Variants in NRG3 observed in about 807,000 individuals in gnomAD.
The protein encoded by NRG3 is neuregulin 3.
Under a neutral mutation model 66.9 loss-of-function variants are expected in NRG3, and 31 were observed. That is an observed-to-expected ratio of 0.46 (90% CI 0.35 to 0.63). The LOEUF (loss-of-function observed/expected upper bound fraction) is 0.63, where lower values mean the gene tolerates loss of function less well. NRG3 is among the 20% of genes least tolerant of loss of function. NRG3 has a pLI of 0.00. For synonymous variants in NRG3, 393 were observed against 359.4 expected (o/e 1.09, Z -1.06); for missense variants, 910 against 878.9 (o/e 1.04, Z -0.45).
chr10:82,461,157 G>T (rs2091492494), intron 2 of NRG3, among the ~76,000 whole-genome samples: 1 of 150,968 alleles, frequency 6.6e-6, no homozygotes, highest in African/African-American at 2.4e-5. Flanking sequence ...ATTATGATCA[G>T]TATCACCACC....
At position 82,943,137 on chromosome 10, in the gene NRG3, C is replaced by T. The variant is rs117148610; in HGVS notation, c.1055-8332C>T. On this transcript the variant is annotated intron_variant, in intron 4 of 8. Transcript: ENST00000372141. Reference sequence around the variant, plus strand: ...GACTTAATGCTGCTTCAAGAGAAAACGGAAAAAGGAAAGAAACTGGCGTTT... The same window carrying T: ...GACTTAATGCTGCTTCAAGAGAAAATGGAAAAAGGAAAGAAACTGGCGTTT... Among the ~76,000 whole-genome samples the T allele has an allele frequency of 1.2e-3, 177 of 152,174 alleles. 3 individuals carry two copies. The East Asian group carries it at 0.023, about 20-fold the overall frequency.
intron 1 of NRG3, among the ~76,000 whole-genome samples, chr10:82,167,159 AT>A (rs977876884): frequency 1.3e-5 from 2 of 151,078 alleles, no homozygotes; most frequent in Non-Finnish European, 3.0e-5. Context: ...CATTGGTCTT[AT>A]TTTTCTGCTT....
intron 2 of NRG3, among the ~76,000 whole-genome samples, chr10:82,532,547 G>C (rs558831354): frequency 6.9e-6 from 1 of 145,096 alleles, no homozygotes; most frequent in Non-Finnish European, 1.5e-5. Flanking sequence ...TACTATATAT[G>C]TATATGTATA....
chr10:82,832,804 T>TTGTGTG (rs139438548), intron 3 of NRG3, among the ~76,000 whole-genome samples: 7,974 of 147,954 alleles, frequency 0.054, 268 homozygotes, highest in African/African-American at 0.098. Context: ...ATGCATGTAA[T>TTGTGTG]TGTGTGTGTG....
chr10:82,524,030 T>A (rs1846450353), intron 2 of NRG3, among the ~76,000 whole-genome samples: 1 of 152,084 alleles, frequency 6.6e-6, no homozygotes, highest in Non-Finnish European at 1.5e-5. Flanking sequence ...GCCTGAATTG[T>A]GAAGTGGATG....
intron 2 of NRG3, among the ~76,000 whole-genome samples, chr10:82,477,765 G>C (rs1051090239): frequency 1.3e-5 from 2 of 152,204 alleles, no homozygotes; most frequent in African/African-American, 2.4e-5. Flanking sequence ...AGGGAACATA[G>C]AGGAATAAGG....
chr10:82,651,178 T>C (rs2051383131), intron 2 of NRG3, among the ~76,000 whole-genome samples: 1 of 152,156 alleles, frequency 6.6e-6, no homozygotes. Context: ...TAGAAGAAGA[T>C]GACATGGACT....
At chr10:82,572,101 C>T (rs2045771143) in intron 2 of NRG3, among the ~76,000 whole-genome samples, 1 of 151,648 alleles carries the variant, frequency 6.6e-6, no homozygotes, top group East Asian at 1.9e-4. Context: ...CAAAAAATTT[C>T]TAAAGCTAAG....
chr10:82,196,011 CT>C (rs1222293402), intron 1 of NRG3, among the ~76,000 whole-genome samples: 1 of 152,180 alleles, frequency 6.6e-6, no homozygotes, highest in Non-Finnish European at 1.5e-5. Flanking sequence ...TGCAGGACTG[CT>C]TTTTTGTGTG....
intron 3 of NRG3, among the ~76,000 whole-genome samples, chr10:82,800,056 C>CT (rs2060972168): frequency 6.6e-6 from 1 of 152,110 alleles, no homozygotes; most frequent in Admixed American, 6.5e-5. Flanking sequence ...TCTTAAGGTT[C>CT]CTGCCTTTGG....
intron 2 of NRG3, among the ~76,000 whole-genome samples, chr10:82,651,581 C>T (rs567286185): frequency 1.3e-3 from 196 of 152,290 alleles, no homozygotes; most frequent in Admixed American, 2.8e-3. Context: ...TAGCCAGTGA[C>T]GAGTTTAGGC....
chr10:81,875,659 G>A lies in NRG3; in HGVS notation c.319G>A (p.Gly107Arg), dbSNP rs1449663403. 5 of 1,613,880 alleles carry A rather than the reference G, an allele frequency of 3.1e-6. No individual in the cohort carries two copies. The African/African-American group carries it at 6.7e-5, about 22-fold the overall frequency. Residue 107 changes from glycine (G) to arginine (R), a missense_variant, in exon 1 of 9, where the codon GGG becomes AGG. Gly to Arg is a moderately radical substitution (Grantham distance 125). Transcript: ENST00000372141. The surrounding 1 kb of genome is among the most constrained non-coding windows in gnomAD (Gnocchi z 5.3). The stretch of plus-strand genomic sequence containing the variant: ...GCCCACCGACCTAGTGGACTCCAAG[G>A]GGATGGGCCAGGACCCCTTCTTCCT... Reference protein sequence around the residue: ...YVPTDLVDSKGMGQDPFFLSK... With the variant: ...YVPTDLVDSKRMGQDPFFLSK...
chr10:82,765,179 G>C (rs1427511329), intron 3 of NRG3, among the ~76,000 whole-genome samples: 1 of 151,926 alleles, frequency 6.6e-6, no homozygotes, highest in African/African-American at 2.4e-5. Context: ...AAATAAAGAA[G>C]ACATTTTAAC....
chr10:82,078,554 G>A (rs1403993464), intron 1 of NRG3, among the ~76,000 whole-genome samples: 1 of 152,142 alleles, frequency 6.6e-6, no homozygotes, highest in Non-Finnish European at 1.5e-5. Context: ...GTTTCACCGT[G>A]TTAGCCAGGA....
intron 1 of NRG3, among the ~76,000 whole-genome samples, chr10:82,046,013 G>GT (rs905751103): frequency 2.1e-5 from 3 of 141,040 alleles, no homozygotes; most frequent in African/African-American, 8.0e-5. Context: ...ATGCCTCCAG[G>GT]TTTGTTCTTT....
intron 1 of NRG3, among the ~76,000 whole-genome samples, chr10:81,974,091 A>G (rs1044780133): frequency 1.3e-5 from 2 of 152,062 alleles, no homozygotes; most frequent in African/African-American, 2.4e-5. Flanking sequence ...TGTATATGGT[A>G]TATGGAAGGG....
intron 3 of NRG3, among the ~76,000 whole-genome samples, chr10:82,808,437 A>T (rs2061370047): frequency 6.6e-6 from 1 of 152,094 alleles, no homozygotes; most frequent in African/African-American, 2.4e-5. Flanking sequence ...ATTACTTATA[A>T]TTTTTGGTGA....
chr10:82,914,334 T>C (rs1348653326), intron 4 of NRG3, among the ~76,000 whole-genome samples: 2 of 152,198 alleles, frequency 1.3e-5, no homozygotes, highest in East Asian at 3.9e-4. Flanking sequence ...TTTTTTCTTT[T>C]TCTTTTTAGC....
chr10:82,175,985 C>G (rs138459278), intron 1 of NRG3, among the ~76,000 whole-genome samples: 1,986 of 152,228 alleles, frequency 0.013, 21 homozygotes, highest in Non-Finnish European at 0.02. Flanking sequence ...AGTCTGTTTA[C>G]TTTTCTTTTA....
Sources: allele counts gnomAD v4.1 joint callset (sites outside exome capture counted in the v4.1 genomes callset), GRCh38; gene constraint gnomAD v4.1.1; non-coding constraint Gnocchi (gnomAD v3.1); transcripts MANE v1.5; gene names NCBI Gene and HGNC (gene_info 2026-07-23, HGNC 2026-07-21).